The following ABLIM1 variants were observed in gnomAD, a reference collection of about 807,000 sequenced individuals.
ABLIM1 encodes the protein actin-binding LIM protein 1.
In ABLIM1, 40 loss-of-function variants were observed where a neutral mutation model predicts 107.0. The ratio of observed to expected loss-of-function variants is 0.37; its 90% CI spans 0.29 to 0.49. The LOEUF is 0.49. Among genes scored for constraint, ABLIM1 ranks in the 20% least tolerant of loss-of-function variants. ABLIM1 has a pLI of 0.97. For missense variants in ABLIM1, 857 were observed against 1,008.5 expected, an observed-to-expected ratio of 0.85 and a Z score of 2.04; for synonymous variants, 357 against 357.3, an observed-to-expected ratio of 1.00 and a Z score of 0.01.
intron 10 of ABLIM1, 125 bp from the exon 11 acceptor site, chr10:114,468,341 C>G (rs2065652535): frequency 3.5e-6 from 3 of 862,200 alleles, no homozygotes; most frequent in Non-Finnish European, 3.8e-6. Context: ...GTGGCGCAAT[C>G]TCGGTTTACT....
chr10:114,652,065 G>A (rs1056222016), intron 1 of ABLIM1, among the ~76,000 whole-genome samples: 3 of 152,180 alleles, frequency 2.0e-5, no homozygotes, highest in Non-Finnish European at 2.9e-5. Context: ...TATTTTTTAT[G>A]GCTAGCTCAA....
intron 1 of ABLIM1, chr10:114,684,204 A>G: frequency 7.3e-7 from 1 of 1,374,446 alleles, no homozygotes; most frequent in Non-Finnish European, 9.9e-7. Flanking sequence ...TATCAAATGG[A>G]AAAGCCCTGC....
At chr10:114,795,240 T>C in the ABLIM1 span, among the ~76,000 whole-genome samples, 15 of 152,346 alleles carry the variant, frequency 9.8e-5, no homozygotes, top group South Asian at 3.1e-3. Flanking sequence ...TCTGGCAGTC[T>C]GCCCTTCTCT....
chr10:114,676,019 A>G (rs1207037043), intron 1 of ABLIM1, among the ~76,000 whole-genome samples: 1 of 152,186 alleles, frequency 6.6e-6, no homozygotes, highest in Non-Finnish European at 1.5e-5. Flanking sequence ...TGGTCTGTTA[A>G]GGTGATCCAA....
At chr10:114,607,455 G>A (rs749465978) in intron 1 of ABLIM1, among the ~76,000 whole-genome samples, 9 of 152,170 alleles carry the variant, frequency 5.9e-5, no homozygotes, top group Non-Finnish European at 1.3e-4. Flanking sequence ...TGTACATAGT[G>A]ATCTCCTCCC....
At chr10:114,490,232 C>A (rs1373365489) in intron 7 of ABLIM1, among the ~76,000 whole-genome samples, 1 of 152,204 alleles carries the variant, frequency 6.6e-6, no homozygotes, top group Non-Finnish European at 1.5e-5. Flanking sequence ...GCCACAGATG[C>A]GGGTGCTTGT....
rs146276526 is a variant in ABLIM1, at chr10:114,758,668, A to T, written c.-213+9393T>A. 5.7e-3 allele frequency among the ~76,000 whole-genome samples: 865 copies of T among 152,180 alleles called. 11 individuals are homozygous for T. The highest frequency in any genetic ancestry group is 0.019 in the African/African-American group (803 of 41,520). On this transcript the variant is annotated intron_variant, in intron 1 of 15. Transcript: ENST00000651092. ...TACCTCATTGTCCTCGTTTCCCTTC[A>T]TTGTTACCATTCAGTTCTCTGGTGG...
At chr10:114,439,431 C>T (rs941697394) in intron 20 of ABLIM1, among the ~76,000 whole-genome samples, 181 bp from the exon 21 acceptor site, 1 of 152,214 alleles carries the variant, frequency 6.6e-6, no homozygotes, top group Non-Finnish European at 1.5e-5. Context: ...AGGAATACAG[C>T]TCTTTTGCAA....
upstream of ABLIM1, among the ~76,000 whole-genome samples, chr10:114,659,555 T>C (rs1236848956): frequency 6.6e-6 from 1 of 152,066 alleles, no homozygotes; most frequent in East Asian, 1.9e-4. Context: ...ACAAAATATA[T>C]ATATACGGGA....
intron 1 of ABLIM1, among the ~76,000 whole-genome samples, chr10:114,752,998 A>G (rs1399871005): frequency 6.6e-6 from 1 of 152,184 alleles, no homozygotes; most frequent in Non-Finnish European, 1.5e-5. Flanking sequence ...GCATCAGCCT[A>G]TATTGTGATT....
chr10:114,449,121 G>C (rs2061482777), intron 14 of ABLIM1, among the ~76,000 whole-genome samples: 1 of 152,166 alleles, frequency 6.6e-6, no homozygotes. Flanking sequence ...AGCAATATTA[G>C]TTCACAAAGT....
At chr10:114,595,347 A>G (rs1323884224) in intron 2 of ABLIM1, among the ~76,000 whole-genome samples, 1 of 152,248 alleles carries the variant, frequency 6.6e-6, no homozygotes, top group African/African-American at 2.4e-5. Context: ...CCAGAGAAGA[A>G]TCTGCACAAA....
rs1258647988 is a variant in ABLIM1 at position 114,632,612 on chromosome 10, G to A, written c.244+25345C>T. 4.1e-6 allele frequency: 4 copies of A among 985,278 alleles called. No homozygotes were observed. In the African/African-American group the frequency reaches 5.2e-5, roughly 13 times the overall value. The allele number at this position is 985,278 out of a possible 1,614,324, so 61.0% of individuals were successfully genotyped here. ...CTATAATTTACCTGAATGGGGCTGG[G>A]GGAAGGTAGAGACTGAGAGACAGCC... On this transcript the variant is annotated intron_variant, in intron 1 of 22. Transcript: ENST00000533213.
chr10:114,798,555 G>GGCCC, the ABLIM1 span, among the ~76,000 whole-genome samples: 1 of 73,814 alleles, frequency 1.4e-5, no homozygotes, highest in African/African-American at 5.6e-5. Flanking sequence ...AAGATGATGA[G>GGCCC]ACCCCCCCCC....
At chr10:114,453,993 A>G (rs2062359611) in intron 12 of ABLIM1, among the ~76,000 whole-genome samples, 1 of 152,190 alleles carries the variant, frequency 6.6e-6, no homozygotes, top group African/African-American at 2.4e-5. Context: ...TCCCCTTAGG[A>G]ATACAAAGTG....
At chr10:114,768,197 C>A, upstream of ABLIM1, 1 of 176,276 alleles carries the variant, frequency 5.7e-6, no homozygotes, top group South Asian at 8.7e-5. Flanking sequence ...GGGGACGCCG[C>A]CCGCAGGACA....
rs551729545 is a variant in ABLIM1 at position 114,639,625 on chromosome 10, G to C, written c.244+18332C>G. Among the ~76,000 whole-genome samples, 6 of 152,330 alleles carry C rather than the reference G, an allele frequency of 3.9e-5. No homozygotes were observed. The South Asian group carries it at 1.2e-3, about 32-fold the overall frequency. ...TGAGGTTGTGGTGAGGACAGCGGCA[G>C]CTTCATGGCATGTAACCTGCAGCGT... On this transcript the variant is annotated intron_variant, in intron 1 of 22. Transcript: ENST00000533213.
At position 114,435,387 on chromosome 10, in the gene ABLIM1, T is replaced by C. The variant is rs1169197749; in HGVS notation, c.*873A>G. The C allele has an allele frequency of 6.6e-6, 1 of 152,210 alleles. No homozygotes were observed. The highest frequency in any genetic ancestry group is 1.5e-5 in the Non-Finnish European group (1 of 68,046). The allele number at this position is 152,210 out of a possible 1,614,324, so 9.4% of individuals were successfully genotyped here. On this transcript the variant is annotated 3_prime_UTR_variant, in exon 23 of 23. Transcript: ENST00000533213. ...TGGTTTTTTTTGGCCATGAATGATA[T>C]GGCCCCTATGCAAAATCACCTAATG...
rs1187537734 is a variant in ABLIM1 at position 114,631,867 on chromosome 10, T to C, written c.244+26090A>G. The stretch of plus-strand genomic sequence containing the variant: ...AGCCCTGCGGTGCCATTCCAACTTC[T>C]GCAACCATGCACAGTGATCGATATT... On this transcript the variant is annotated intron_variant, in intron 1 of 22. Transcript: ENST00000533213. 5 of 1,302,594 alleles carry C rather than the reference T, an allele frequency of 3.8e-6. No individual in the cohort carries two copies. The Admixed American group carries it at 1.2e-4, about 30-fold the overall frequency. 80.7% of individuals were successfully genotyped at this position (1,302,594 alleles called of 1,614,324 possible).
Sources: gnomAD v4.1 joint callset for allele counts (sites outside exome capture counted in the v4.1 genomes callset) on GRCh38, gnomAD v4.1.1 for gene constraint, MANE v1.5 for transcripts, NCBI Gene and HGNC (gene_info 2026-07-23, HGNC 2026-07-21) for gene names.